Variants in FGD5 observed in about 807,000 individuals in gnomAD.
The protein encoded by FGD5 is FYVE, RhoGEF and PH domain-containing protein 5.
A neutral mutation model predicts 133.4 loss-of-function variants in FGD5; 28 were observed. The observed-to-expected ratio is 0.21, with a 90% CI of 0.16 to 0.29. FGD5 has a LOEUF of 0.29. FGD5 is among the 10% of genes least tolerant of loss of function. The pLI is 1.00. For missense variants in FGD5, 1,858 were observed against 1,895.2 expected (o/e 0.98, Z 0.36); for synonymous variants, 810 against 776.5 (o/e 1.04, Z -0.72).
At chr3:14,892,259 TG>T (rs2038044466) in intron 4 of FGD5, among the ~76,000 whole-genome samples, 1 of 152,022 alleles carries the variant, frequency 6.6e-6, no homozygotes, top group Non-Finnish European at 1.5e-5. Flanking sequence ...TGGAGTGTAG[TG>T]GCGCTATCAC....
chr3:14,913,741 C>T (rs536138933), intron 11 of FGD5, among the ~76,000 whole-genome samples: 1 of 152,296 alleles, frequency 6.6e-6, no homozygotes, highest in African/African-American at 2.4e-5. Flanking sequence ...TGGCTTTCCC[C>T]AATCTGTCCT....
intron 4 of FGD5, among the ~76,000 whole-genome samples, chr3:14,881,274 G>A (rs2037820079): frequency 6.6e-6 from 1 of 152,228 alleles, no homozygotes; most frequent in Admixed American, 6.5e-5. Context: ...GCTTTCAGAG[G>A]AAAGGAGGCC....
chr3:14,823,250 C>T (rs1039130782), intron 1 of FGD5, among the ~76,000 whole-genome samples: 1 of 152,160 alleles, frequency 6.6e-6, no homozygotes, highest in Non-Finnish European at 1.5e-5. Flanking sequence ...ATAAACTCTC[C>T]GTGCTGGTCA....
intron 18 of FGD5, chr3:14,932,257 A>G (rs1256238017): frequency 1.7e-5 from 3 of 176,344 alleles, no homozygotes; most frequent in Non-Finnish European, 3.6e-5. Context: ...TAATTTTTGT[A>G]TTTTTAGTAG....
intron 8 of FGD5, 31 bp from the exon 9 acceptor site, chr3:14,900,971 TG>T: frequency 6.2e-7 from 1 of 1,613,728 alleles, no homozygotes; most frequent in Non-Finnish European, 8.5e-7. Flanking sequence ...CCTCTTGCAA[TG>T]GCCCAACTCC....
At chr3:14,826,831 C>T (rs1457109796) in intron 1 of FGD5, among the ~76,000 whole-genome samples, 12 of 152,160 alleles carry the variant, frequency 7.9e-5, no homozygotes, top group African/African-American at 2.7e-4. Context: ...TAGGGCTTTA[C>T]ATCACATCAG....
intron 1 of FGD5, among the ~76,000 whole-genome samples, chr3:14,845,959 C>G (rs1047997082): frequency 1.3e-5 from 2 of 152,076 alleles, no homozygotes; most frequent in African/African-American, 4.8e-5. Flanking sequence ...ATGTGCTGCT[C>G]AGAGGCTGGG....
At chr3:14,850,158 C>T (rs925323135) in intron 1 of FGD5, among the ~76,000 whole-genome samples, 12 of 152,294 alleles carry the variant, frequency 7.9e-5, no homozygotes, top group Admixed American at 5.2e-4. Context: ...ACTCCCAGAG[C>T]GGAGGTTGCA....
chr3:14,928,879 C>G (rs2038858430), intron 18 of FGD5, among the ~76,000 whole-genome samples: 1 of 152,130 alleles, frequency 6.6e-6, no homozygotes, highest in Non-Finnish European at 1.5e-5. Context: ...TGATGTTTTT[C>G]AAAATATACT....
At chr3:14,892,192 C>T (rs968617511) in intron 4 of FGD5, among the ~76,000 whole-genome samples, 13 of 151,804 alleles carry the variant, frequency 8.6e-5, no homozygotes, top group Admixed American at 7.9e-4. Context: ...ATACAAAAGA[C>T]CTTTTTTTTT....
At chr3:14,828,818 C>G (rs1337218112) in intron 1 of FGD5, among the ~76,000 whole-genome samples, 1 of 135,672 alleles carries the variant, frequency 7.4e-6, no homozygotes, top group African/African-American at 2.7e-5. Context: ...TGAGGTGGGT[C>G]TCTTTTTTTT....
At chr3:14,818,869 C>A, upstream of FGD5, 3 of 1,346,388 alleles carry the variant, frequency 2.2e-6, no homozygotes, top group Non-Finnish European at 1.9e-6. Flanking sequence ...CCATCTGTGG[C>A]GTCCCCTGCA....
intron 16 of FGD5, 131 bp from the exon 17 acceptor site, chr3:14,923,877 G>A (rs2038735306): frequency 1.7e-6 from 2 of 1,145,552 alleles, no homozygotes; most frequent in Non-Finnish European, 2.5e-6. Flanking sequence ...GAGGAAGAGT[G>A]CTTGACTTTC....
intron 1 of FGD5, among the ~76,000 whole-genome samples, chr3:14,821,876 C>T (rs1300352842): frequency 6.6e-6 from 1 of 152,078 alleles, no homozygotes. Context: ...CCGAGGCGGG[C>T]AGGTCACAAG....
In FGD5 at chr3:14,925,235, T is replaced by A. The variant is rs1029580798; in HGVS notation, c.4069-835T>A. Among the ~76,000 whole-genome samples the A allele has an allele frequency of 7.2e-5, 11 of 152,220 alleles. No individual in the cohort carries two copies. The South Asian group carries it at 2.1e-3, about 29-fold the overall frequency. On this transcript the variant is annotated intron_variant, in intron 17 of 19. Coordinates refer to ENST00000285046, the MANE Select transcript of FGD5 (RefSeq NM_152536.4). ...CTCCCTCAATCCCACTGCCATCAAG[T>A]TTCTTATGGAACCTTGTGGAAATTT...
intron 1 of FGD5, among the ~76,000 whole-genome samples, chr3:14,855,463 C>T (rs1201535684): frequency 1.3e-5 from 2 of 152,208 alleles, no homozygotes; most frequent in African/African-American, 4.8e-5. Flanking sequence ...TACTGATTTA[C>T]ATTCCCATCA....
At chr3:14,811,026 C>T (rs1236147709) in intron 1 of FGD5, among the ~76,000 whole-genome samples, 1 of 151,580 alleles carries the variant, frequency 6.6e-6, no homozygotes, top group Non-Finnish European at 1.5e-5. Context: ...GCTCCGGGGT[C>T]CTCTCGCCGA....
chr3:14,854,389 T>TTTCTATTTA (rs1553625405), intron 1 of FGD5, among the ~76,000 whole-genome samples: 3 of 137,560 alleles, frequency 2.2e-5, no homozygotes, highest in Non-Finnish European at 4.7e-5. Context: ...TTTCTTTTCT[T>TTTCTATTTA]TTTATTTATT....
intron 1 of FGD5, among the ~76,000 whole-genome samples, chr3:14,847,564 G>C (rs1052335825): frequency 1.3e-5 from 2 of 152,182 alleles, no homozygotes; most frequent in African/African-American, 2.4e-5. Context: ...GTATGTTCTC[G>C]TTGTTTTGTA....
Sources: allele counts gnomAD v4.1 joint callset (sites outside exome capture counted in the v4.1 genomes callset), GRCh38; gene constraint gnomAD v4.1.1; transcripts MANE v1.5; gene names NCBI Gene and HGNC (gene_info 2026-07-23, HGNC 2026-07-21).